The following IL1RAPL1 variants were observed in gnomAD, a reference collection of about 807,000 sequenced individuals.
The protein encoded by IL1RAPL1 is interleukin 1 receptor accessory protein like 1.
Under a neutral mutation model 48.4 loss-of-function variants are expected in IL1RAPL1, and 3 were observed. The observed-to-expected ratio is 0.06, with a 90% CI of 0.03 to 0.16. The LOEUF (loss-of-function observed/expected upper bound fraction) is 0.16. Among genes scored for constraint, IL1RAPL1 ranks in the 10% least tolerant of loss-of-function variants. The pLI is 1.00. For synonymous variants in IL1RAPL1, 185 were observed against 187.7 expected, an observed-to-expected ratio of 0.99 and a Z score of 0.12; for missense variants, 349 against 530.6, an observed-to-expected ratio of 0.66 and a Z score of 3.36.
intron 1 of IL1RAPL1, among the ~76,000 whole-genome samples, chrX:28,636,004 CCT>C (rs1934459759): frequency 9.0e-6 from 1 of 111,622 alleles, no homozygotes; most frequent in Admixed American, 9.6e-5. Flanking sequence ...AAAAAGCAAA[CCT>C]ATTATTTTTT....
In IL1RAPL1 at chrX:29,917,678, T is replaced by C. The variant is rs747371577; in HGVS notation, c.911+82T>C. 7.6e-5 allele frequency: 66 copies of C among 870,546 alleles called. No homozygotes were observed. The South Asian group carries it at 1.4e-3, about 19-fold the overall frequency. The allele number at this position is 870,546 out of a possible 1,213,427, so 71.7% of individuals were successfully genotyped here. ...AATAGAAAGTAAGCTGAAAGGATTT[T>C]TTTTTGTTTTACTAGTATCATAATA... is the stretch of plus-strand genomic sequence containing the variant. On this transcript the variant is annotated intron_variant, in intron 7 of 10. Transcript: ENST00000378993.
intron 6 of IL1RAPL1, among the ~76,000 whole-genome samples, chrX:29,687,668 AAAG>A (rs1243491553): frequency 9.8e-5 from 11 of 112,246 alleles, no homozygotes; most frequent in African/African-American, 3.2e-4. Context: ...TTCTCATAAA[AAAG>A]AAATGATATT....
At chrX:29,703,667 A>G (rs765449366) in intron 6 of IL1RAPL1, among the ~76,000 whole-genome samples, 2 of 111,897 alleles carry the variant, frequency 1.8e-5, no homozygotes, top group African/African-American at 6.5e-5. Flanking sequence ...CTAAGTTTTG[A>G]TTTATTTTTG....
rs1357821212 is a variant in IL1RAPL1 at position 29,738,401 on chromosome X, T to C, written c.778+69897T>C. ...AAAATGGCCCTAGAAGCCAATCTTCTGACTACTTGTCATTTTATTTCATTT... is the reference window on the plus strand; with the variant it reads ...AAAATGGCCCTAGAAGCCAATCTTCCGACTACTTGTCATTTTATTTCATTT... On this transcript the variant is annotated intron_variant, in intron 6 of 10. Coordinates refer to ENST00000378993, the MANE Select transcript of IL1RAPL1 (RefSeq NM_014271.4). Among the ~76,000 whole-genome samples the C allele has an allele frequency of 2.7e-5, 3 of 110,499 alleles. No individual in the cohort carries two copies. In the East Asian group the frequency reaches 8.5e-4, roughly 31 times the overall value.
intron 6 of IL1RAPL1, among the ~76,000 whole-genome samples, chrX:29,784,013 T>C (rs765699327): frequency 8.9e-6 from 1 of 111,820 alleles, no homozygotes; most frequent in South Asian, 3.7e-4. Context: ...CAGAATACAG[T>C]TGAAGTCTAC....
intron 6 of IL1RAPL1, among the ~76,000 whole-genome samples, chrX:29,832,699 G>GTTT (rs1930907004): frequency 2.1e-5 from 2 of 93,098 alleles, no homozygotes; most frequent in African/African-American, 4.3e-5. Flanking sequence ...CTGTTTTTTT[G>GTTT]TTTTTGTTTT....
chrX:29,371,406 A>G lies in IL1RAPL1; in HGVS notation c.363-24852A>G, dbSNP rs779952860. On this transcript the variant is annotated intron_variant, in intron 3 of 10. Transcript: ENST00000378993. ...CTCGGCCTCCCAGAGTGCTGGGATT[A>G]CAGGCATGAGCCACCGTGCCTGGCC... Among the ~76,000 whole-genome samples the G allele has an allele frequency of 8.1e-5, 9 of 111,600 alleles. No homozygotes were observed. In the East Asian group the frequency reaches 2.3e-3, roughly 28 times the overall value.
In IL1RAPL1 at chrX:29,670,614, A is replaced by G. The variant is rs182909679; in HGVS notation, c.778+2110A>G. On this transcript the variant is annotated intron_variant, in intron 6 of 10. Transcript: ENST00000378993. ...TACTTTGCTAGCATTGCTAGTAAGT[A>G]GGTGAATCAAAAAGGGTAAGTGAAA... 5.3e-3 allele frequency among the ~76,000 whole-genome samples: 594 copies of G among 112,218 alleles called. 2 individuals carry two copies. The highest frequency in any genetic ancestry group is 0.019 in the African/African-American group (573 of 30,928).
At chrX:28,888,334 C>T (rs972348519) in intron 2 of IL1RAPL1, among the ~76,000 whole-genome samples, 1 of 111,263 alleles carries the variant, frequency 9.0e-6, no homozygotes, top group African/African-American at 3.3e-5. Flanking sequence ...ATTAGGCAGT[C>T]GGCACCTCAA....
At chrX:29,254,293 A>G (rs1050297674) in intron 2 of IL1RAPL1, among the ~76,000 whole-genome samples, 2 of 111,945 alleles carry the variant, frequency 1.8e-5, no homozygotes, top group African/African-American at 6.5e-5. Flanking sequence ...ATCTTTCAAA[A>G]TTTAATATTT....
rs780593038 is a variant in IL1RAPL1 at position 29,687,397 on chromosome X, G to A, written c.778+18893G>A. Among the ~76,000 whole-genome samples, 146 of 112,013 alleles carry A rather than the reference G, an allele frequency of 1.3e-3. 4 individuals are homozygous for A. The South Asian group carries it at 0.054, about 42-fold the overall frequency. On this transcript the variant is annotated intron_variant, in intron 6 of 10. Transcript: ENST00000378993. ...CATTGTGTTAAGTGAAATAAGCCAG[G>A]CACAGAACAACAAACACCGCATGAT...
At chrX:29,201,783 G>T (rs772578190) in intron 2 of IL1RAPL1, among the ~76,000 whole-genome samples, 1 of 108,996 alleles carries the variant, frequency 9.2e-6, no homozygotes, top group Non-Finnish European at 1.9e-5. Flanking sequence ...CCTCCGCCTC[G>T]CAGGTTCAAG....
chrX:29,081,063 C>CT (rs1291826315), intron 2 of IL1RAPL1, among the ~76,000 whole-genome samples: 1 of 39,313 alleles, frequency 2.5e-5, no homozygotes, highest in East Asian at 1.1e-3. Context: ...TCTTTTCTTT[C>CT]TTTTTTTTTG....
chrX:29,863,343 G>C (rs916015738), intron 6 of IL1RAPL1, among the ~76,000 whole-genome samples: 2 of 111,891 alleles, frequency 1.8e-5, no homozygotes, highest in African/African-American at 6.5e-5. Context: ...AGTGTAATTA[G>C]AAAGCGACCA....
At chrX:29,051,812 C>T (rs1333483847) in intron 2 of IL1RAPL1, among the ~76,000 whole-genome samples, 3 of 112,454 alleles carry the variant, frequency 2.7e-5, no homozygotes, top group Non-Finnish European at 5.6e-5. Flanking sequence ...CAAATGGCCA[C>T]CTTCTTGGTG....
chrX:29,070,173 T>C (rs1335387257), intron 2 of IL1RAPL1, among the ~76,000 whole-genome samples: 1 of 112,017 alleles, frequency 8.9e-6, no homozygotes, highest in African/African-American at 3.2e-5. Context: ...CATATTTGCT[T>C]AAAACCTTTA....
At chrX:29,615,141 T>C (rs1319516827) in intron 5 of IL1RAPL1, among the ~76,000 whole-genome samples, 1 of 111,620 alleles carries the variant, frequency 9.0e-6, no homozygotes, top group Non-Finnish European at 1.9e-5. Flanking sequence ...ATGCAAAATA[T>C]AGGTGTATAT....
chrX:29,350,423 C>T (rs1027198479), intron 3 of IL1RAPL1, among the ~76,000 whole-genome samples: 5 of 104,929 alleles, frequency 4.8e-5, no homozygotes, highest in African/African-American at 7.1e-5. Flanking sequence ...CATTATAACA[C>T]TGATGAGAAA....
intron 2 of IL1RAPL1, among the ~76,000 whole-genome samples, chrX:29,240,218 ATATATATTTTTTTTT>A (rs1931391099): frequency 5.1e-5 from 1 of 19,633 alleles, no homozygotes; most frequent in African/African-American, 2.3e-4. Flanking sequence ...ATATATATAT[ATATATATTTTTTTTT>A]TTTTTTTTTT....
Sources: gnomAD v4.1 joint callset for allele counts (sites outside exome capture counted in the v4.1 genomes callset) on GRCh38, gnomAD v4.1.1 for gene constraint, MANE v1.5 for transcripts, NCBI Gene and HGNC (gene_info 2026-07-23, HGNC 2026-07-21) for gene names.